PLCB1: variants seen among roughly 807,000 people sequenced by gnomAD.
PLCB1 encodes the protein phospholipase C beta 1.
In PLCB1, 46 loss-of-function variants were observed where a neutral mutation model predicts 161.8. That is an observed-to-expected ratio of 0.28 (90% CI 0.22 to 0.36). The LOEUF is 0.36. PLCB1 is among the 10% of genes least tolerant of loss of function. The pLI is 1.00. For missense variants in PLCB1, 1,016 were observed against 1,472.5 expected (o/e 0.69, Z 5.07); for synonymous variants, 517 against 503.7 (o/e 1.03, Z -0.35).
intron 10 of PLCB1, among the ~76,000 whole-genome samples, chr20:8,688,049 C>T (rs1990397406): frequency 6.6e-6 from 1 of 152,128 alleles, no homozygotes; most frequent in Non-Finnish European, 1.5e-5. Flanking sequence ...AAGGTGGTAT[C>T]GCATTGTGGT....
At chr20:8,651,360 G>C (rs948365633) in intron 7 of PLCB1, 9 of 685,228 alleles carry the variant, frequency 1.3e-5, no homozygotes, top group Non-Finnish European at 2.4e-5. Context: ...CAACTTTGGT[G>C]GGTCACAAGA....
At chr20:8,465,770 T>A (rs952250185) in intron 3 of PLCB1, among the ~76,000 whole-genome samples, 1 of 150,940 alleles carries the variant, frequency 6.6e-6, no homozygotes, top group Admixed American at 6.6e-5. Flanking sequence ...AAAACCACAA[T>A]GAGATACCAT....
At chr20:8,175,874 G>A (rs904655196) in intron 2 of PLCB1, among the ~76,000 whole-genome samples, 1 of 152,102 alleles carries the variant, frequency 6.6e-6, no homozygotes, top group African/African-American at 2.4e-5. Flanking sequence ...AAAGGTCTAA[G>A]TAGACAATCC....
At chr20:8,277,914 G>A (rs983282153) in intron 2 of PLCB1, among the ~76,000 whole-genome samples, 1 of 152,114 alleles carries the variant, frequency 6.6e-6, no homozygotes, top group Non-Finnish European at 1.5e-5. Flanking sequence ...GGAATGCAGG[G>A]GGTATAATCC....
intron 4 of PLCB1, among the ~76,000 whole-genome samples, chr20:8,636,900 A>G (rs1988778594): frequency 6.6e-6 from 1 of 152,158 alleles, no homozygotes; most frequent in South Asian, 2.1e-4. Flanking sequence ...CTTTCCTTCC[A>G]TCCACTCCAT....
intron 31 of PLCB1, among the ~76,000 whole-genome samples, chr20:8,846,840 A>G (rs577701334): frequency 6.6e-6 from 1 of 152,342 alleles, no homozygotes; most frequent in South Asian, 2.1e-4. Context: ...CCACTGGAGC[A>G]GAGTAGAGGC....
intron 3 of PLCB1, among the ~76,000 whole-genome samples, chr20:8,513,905 G>T (rs1213921145): frequency 6.6e-6 from 1 of 152,016 alleles, no homozygotes; most frequent in East Asian, 1.9e-4. Flanking sequence ...GTGTGTGCCT[G>T]TAGTCCCAGC....
intron 3 of PLCB1, among the ~76,000 whole-genome samples, chr20:8,528,726 T>A (rs1338375675): frequency 2.6e-5 from 4 of 151,938 alleles, no homozygotes; most frequent in Non-Finnish European, 5.9e-5. Context: ...ATTTGTTCAA[T>A]CCATTATAGC....
At chr20:8,397,453 G>A (rs1848548) in intron 3 of PLCB1, among the ~76,000 whole-genome samples, 35,417 of 151,838 alleles carry the variant, frequency 0.23, 4,810 homozygotes, top group African/African-American at 0.34. Context: ...CTTTGCCTCA[G>A]CATTCAAAAT....
intron 31 of PLCB1, among the ~76,000 whole-genome samples, chr20:8,813,048 T>G (rs1984907924): frequency 6.6e-6 from 1 of 152,206 alleles, no homozygotes; most frequent in African/African-American, 2.4e-5. Flanking sequence ...ATTGGTCGCC[T>G]GGGAGGTTTC....
At chr20:8,528,118 C>G (rs1183855957) in intron 3 of PLCB1, among the ~76,000 whole-genome samples, 2 of 152,048 alleles carry the variant, frequency 1.3e-5, no homozygotes, top group Admixed American at 1.3e-4. Flanking sequence ...GGTGCAGCCA[C>G]TTTAGAGGGC....
At chr20:8,862,146 A>G (rs1987279680) in intron 31 of PLCB1, among the ~76,000 whole-genome samples, 1 of 152,184 alleles carries the variant, frequency 6.6e-6, no homozygotes, top group Admixed American at 6.5e-5. Context: ...TGTAGAATAC[A>G]TTTAGTCTTG....
rs148110628 is a variant in PLCB1, at chr20:8,728,312, G to A, written c.1764-738G>A. ...GTTCAATTTCATTTTGCCTAGCTCA[G>A]AACCCTAACCAACCTTCACCTAACT... On this transcript the variant is annotated intron_variant, in intron 17 of 31. Transcript: ENST00000338037. 4.9e-3 allele frequency among the ~76,000 whole-genome samples: 745 copies of A among 152,138 alleles called. 4 individuals are homozygous for A. The highest frequency in any genetic ancestry group is 0.01 in the Middle Eastern group (3 of 294).
intron 7 of PLCB1, chr20:8,652,141 A>G (rs560696376): frequency 6.6e-6 from 1 of 152,262 alleles, no homozygotes; most frequent in East Asian, 1.9e-4. Context: ...GTAATCTACT[A>G]TGTTTATTAT....
intron 26 of PLCB1, among the ~76,000 whole-genome samples, chr20:8,774,252 C>T (rs1012014061): frequency 1.4e-4 from 19 of 135,570 alleles, no homozygotes; most frequent in South Asian, 2.5e-4. Flanking sequence ...TTTTCCCAAA[C>T]GGAGATTATT....
At chr20:8,517,420 G>A (rs1306435034) in intron 3 of PLCB1, among the ~76,000 whole-genome samples, 1 of 152,190 alleles carries the variant, frequency 6.6e-6, no homozygotes, top group Non-Finnish European at 1.5e-5. Flanking sequence ...CAACAAATGA[G>A]ACATGGGGTT....
At chr20:8,432,706 G>A (rs375943160) in intron 3 of PLCB1, among the ~76,000 whole-genome samples, 2 of 152,140 alleles carry the variant, frequency 1.3e-5, no homozygotes, top group African/African-American at 2.4e-5. Context: ...GGATCAAAGC[G>A]ACAGAAACTT....
chr20:8,181,088 T>C (rs1286789785), intron 2 of PLCB1, among the ~76,000 whole-genome samples: 2 of 151,430 alleles, frequency 1.3e-5, no homozygotes, highest in African/African-American at 2.4e-5. Flanking sequence ...CCGTCTCTAC[T>C]AAAAATACAA....
intron 2 of PLCB1, among the ~76,000 whole-genome samples, chr20:8,341,161 T>C (rs1178287240): frequency 1.3e-5 from 2 of 152,040 alleles, no homozygotes; most frequent in African/African-American, 4.8e-5. Flanking sequence ...ACATTACCCC[T>C]CTCTGGTTAG....
Sources: gnomAD v4.1 joint callset for allele counts (sites outside exome capture counted in the v4.1 genomes callset) on GRCh38, gnomAD v4.1.1 for gene constraint, MANE v1.5 for transcripts, NCBI Gene and HGNC (gene_info 2026-07-23, HGNC 2026-07-21) for gene names.